ANKRD30B: variants seen among roughly 807,000 people sequenced by gnomAD.
ANKRD30B encodes the protein ankyrin repeat domain-containing protein 30B.
A neutral mutation model predicts 202.2 loss-of-function variants in ANKRD30B; 144 were observed. The ratio of observed to expected loss-of-function variants is 0.71; its 90% CI spans 0.62 to 0.82. The LOEUF is 0.82. ANKRD30B is among the 40% of genes least tolerant of loss of function. ANKRD30B has a pLI of 0.00. For synonymous variants in ANKRD30B, 508 were observed against 561.3 expected (o/e 0.91, Z 1.34); for missense variants, 1,487 against 1,669.1 (o/e 0.89, Z 1.90).
intron 15 of ANKRD30B, among the ~76,000 whole-genome samples, chr18:14,788,457 A>G (rs979988937): frequency 6.6e-6 from 1 of 152,114 alleles, no homozygotes; most frequent in African/African-American, 2.4e-5. Context: ...GTTTAGTTAC[A>G]TATGTATATG....
the ANKRD30B span, among the ~76,000 whole-genome samples, chr18:14,868,694 G>T: frequency 6.6e-6 from 1 of 152,274 alleles, no homozygotes; most frequent in South Asian, 2.1e-4. Flanking sequence ...CATCAAAGAG[G>T]CATCCTCCTG....
chr18:14,884,792 C>A, the ANKRD30B span, among the ~76,000 whole-genome samples: 3,471 of 152,124 alleles, frequency 0.023, 134 homozygotes, highest in African/African-American at 0.08. Flanking sequence ...TGCTTCCTGT[C>A]AAGTCTTTTC....
intron 33 of ANKRD30B, among the ~76,000 whole-genome samples, chr18:14,829,405 T>C (rs572757686): frequency 2.0e-5 from 3 of 152,034 alleles, no homozygotes; most frequent in African/African-American, 7.2e-5. Context: ...GTTTGAATAA[T>C]AGAAAGGAAA....
At chr18:14,867,755 C>T in the ANKRD30B span, among the ~76,000 whole-genome samples, 1 of 152,168 alleles carries the variant, frequency 6.6e-6, no homozygotes, top group Admixed American at 6.5e-5. Flanking sequence ...GTCCCCACCC[C>T]AGGTCAGGAG....
chr18:14,884,640 AC>A, the ANKRD30B span, among the ~76,000 whole-genome samples: 1 of 152,070 alleles, frequency 6.6e-6, no homozygotes, highest in Non-Finnish European at 1.5e-5. Flanking sequence ...GGAAAATGCA[AC>A]CACATGAAAA....
the ANKRD30B span, among the ~76,000 whole-genome samples, chr18:14,882,630 A>G: frequency 6.6e-6 from 1 of 152,068 alleles, no homozygotes; most frequent in African/African-American, 2.4e-5. Context: ...CATTTGTTCC[A>G]AAGTATAGTT....
chr18:14,767,771 C>T (rs1916482155), intron 7 of ANKRD30B, among the ~76,000 whole-genome samples: 1 of 152,102 alleles, frequency 6.6e-6, no homozygotes, highest in Admixed American at 6.5e-5. Context: ...AAAATGATGT[C>T]TTTATATTTC....
intron 15 of ANKRD30B, among the ~76,000 whole-genome samples, chr18:14,789,146 G>A (rs563974146): frequency 2.6e-5 from 4 of 152,348 alleles, no homozygotes; most frequent in Admixed American, 2.0e-4. Context: ...GATGGCCAAT[G>A]ATGGTGAGCA....
chr18:14,793,855 C>T (rs140550905), intron 16 of ANKRD30B, among the ~76,000 whole-genome samples: 185 of 151,932 alleles, frequency 1.2e-3, no homozygotes, highest in African/African-American at 4.2e-3. Context: ...GATCTCAACA[C>T]TGCACTCCAG....
At chr18:14,809,207 G>A (rs10468702) in intron 26 of ANKRD30B, among the ~76,000 whole-genome samples, 77,665 of 149,664 alleles carry the variant, frequency 0.52, 21,558 homozygotes, top group Non-Finnish European at 0.54. Flanking sequence ...ACATGGGGAT[G>A]AAGTAATTCT....
intron 3 of ANKRD30B, among the ~76,000 whole-genome samples, chr18:14,754,471 T>C (rs1422454472): frequency 6.6e-6 from 1 of 152,142 alleles, no homozygotes; most frequent in African/African-American, 2.4e-5. Context: ...ACAGTGCTTC[T>C]GGTAAGGTAA....
In ANKRD30B at chr18:14,809,864, C is replaced by G. The variant is rs1969805515; in HGVS notation, c.2387-122C>G. On this transcript the variant is annotated intron_variant, in intron 26 of 43. Transcript: ENST00000690538. Reference sequence around the variant, plus strand: ...TACAATAACCCAAAAGACCCCAAAACCTAGTGTAATCCCTTTTCAATCCAA... The same window carrying G: ...TACAATAACCCAAAAGACCCCAAAAGCTAGTGTAATCCCTTTTCAATCCAA... 12 of 985,656 alleles carry G rather than the reference C, an allele frequency of 1.2e-5. No individual in the cohort carries two copies. The East Asian group carries it at 3.3e-4, about 27-fold the overall frequency. The allele number at this position is 985,656 out of a possible 1,614,324, so 61.1% of individuals were successfully genotyped here.
chr18:14,873,137 A>G, the ANKRD30B span, among the ~76,000 whole-genome samples: 1 of 152,194 alleles, frequency 6.6e-6, no homozygotes, highest in Non-Finnish European at 1.5e-5. Flanking sequence ...GAGAGAGAAC[A>G]GTAGGTTGAT....
chr18:14,793,178 A>G lies in ANKRD30B; in HGVS notation c.1825+1687A>G, dbSNP rs531479278. 8.3e-4 allele frequency among the ~76,000 whole-genome samples: 126 copies of G among 152,128 alleles called. 1 individual carries two copies. Among genetic ancestry groups the G allele is most frequent in the Middle Eastern group, 3.4e-3 (1 of 294 alleles). On this transcript the variant is annotated intron_variant, in intron 16 of 43. Coordinates refer to ENST00000690538, the MANE Select transcript of ANKRD30B (RefSeq NM_001367607.2). ...TTGTAGCATACGGGTATGAAAATCA[A>G]TGAATATTTATATTTAGTATTATGC...
the ANKRD30B span, among the ~76,000 whole-genome samples, chr18:14,933,968 G>A: frequency 3.9e-5 from 6 of 152,258 alleles, no homozygotes; most frequent in East Asian, 3.9e-4. Context: ...TTCTCTAAAC[G>A]ATGTCTCAGG....
rs192852272 is a variant in ANKRD30B at position 14,767,917 on chromosome 18, T to C, written c.1226-1426T>C. Among the ~76,000 whole-genome samples, 5 of 152,342 alleles carry C rather than the reference T, an allele frequency of 3.3e-5. No individual in the cohort carries two copies. The East Asian group carries it at 7.7e-4, about 24-fold the overall frequency. On this transcript the variant is annotated intron_variant, in intron 7 of 43. Coordinates refer to ENST00000690538, the MANE Select transcript of ANKRD30B (RefSeq NM_001367607.2). ...GAAATCAAAACCATGGATATTATAT[T>C]GTGAAATCTATATTTGGTCTTCAAC...
rs1324658920 is a variant in ANKRD30B, at chr18:14,782,642, C to G, written c.1570+28C>G. ...AAGAACAACTTTTTATTTGAAAAGT[C>G]TTTTAACCATATGTTTGTCTAAACG... On this transcript the variant is annotated intron_variant, in intron 12 of 43. Coordinates refer to ENST00000690538, the MANE Select transcript of ANKRD30B (RefSeq NM_001367607.2). 9.0e-6 allele frequency: 13 copies of G among 1,447,916 alleles called. 1 individual carries two copies. In the South Asian group the frequency reaches 1.6e-4, roughly 17 times the overall value. 89.7% of individuals were successfully genotyped at this position (1,447,916 alleles called of 1,614,324 possible).
At chr18:14,901,168 T>G in the ANKRD30B span, among the ~76,000 whole-genome samples, 1 of 152,216 alleles carries the variant, frequency 6.6e-6, no homozygotes, top group African/African-American at 2.4e-5. Flanking sequence ...TCCTTGTCAA[T>G]TGTGTCTTTA....
At chr18:14,831,878 C>A (rs1268925073) in intron 34 of ANKRD30B, among the ~76,000 whole-genome samples, 2 of 152,152 alleles carry the variant, frequency 1.3e-5, no homozygotes, top group African/African-American at 4.8e-5. Context: ...TTAAAATTAT[C>A]TTTAATGGAT....
Sources: allele counts gnomAD v4.1 joint callset (sites outside exome capture counted in the v4.1 genomes callset), GRCh38; gene constraint gnomAD v4.1.1; transcripts MANE v1.5; gene names NCBI Gene and HGNC (gene_info 2026-07-23, HGNC 2026-07-21).